The following PHACTR2 variants were observed in gnomAD, a reference collection of about 807,000 sequenced individuals.
PHACTR2 encodes the protein chromosome 6 open reading frame 56.
Under a neutral mutation model 76.0 loss-of-function variants are expected in PHACTR2, and 30 were observed. That is an observed-to-expected ratio of 0.39 (90% CI 0.30 to 0.54). PHACTR2 has a LOEUF of 0.54. Among genes scored for constraint, PHACTR2 ranks in the 20% least tolerant of loss-of-function variants. The pLI, the probability that PHACTR2 is intolerant of heterozygous loss-of-function variation, is 0.61. For missense variants in PHACTR2, 696 were observed against 781.1 expected (o/e 0.89, Z 1.30); for synonymous variants, 292 against 292.5 (o/e 1.00, Z 0.02).
chr6:143,736,202 T>C (rs1188433037), intron 2 of PHACTR2, among the ~76,000 whole-genome samples: 2 of 152,206 alleles, frequency 1.3e-5, no homozygotes, highest in Non-Finnish European at 1.5e-5. Flanking sequence ...TTGCTCAGCC[T>C]GTGATACTAT....
At chr6:143,634,814 A>G (rs991037889) in intron 1 of PHACTR2, among the ~76,000 whole-genome samples, 1 of 152,210 alleles carries the variant, frequency 6.6e-6, no homozygotes, top group African/African-American at 2.4e-5. Context: ...AACAAATACC[A>G]CAGCAAATAT....
At chr6:143,640,766 T>C (rs1179995366) in intron 1 of PHACTR2, among the ~76,000 whole-genome samples, 1 of 152,212 alleles carries the variant, frequency 6.6e-6, no homozygotes, top group Non-Finnish European at 1.5e-5. Context: ...TCAAAAGATA[T>C]GTCTATGTCC....
At chr6:143,601,535 G>T (rs1200372291) in intron 1 of PHACTR2, among the ~76,000 whole-genome samples, 2 of 152,144 alleles carry the variant, frequency 1.3e-5, no homozygotes, top group African/African-American at 2.4e-5. Flanking sequence ...AGCACTCTTG[G>T]GTTAACTGGT....
At chr6:143,640,057 A>G (rs1776537922) in intron 1 of PHACTR2, among the ~76,000 whole-genome samples, 1 of 152,204 alleles carries the variant, frequency 6.6e-6, no homozygotes, top group African/African-American at 2.4e-5. Context: ...CCTATAACCT[A>G]GTGATGTCAC....
In PHACTR2 at chr6:143,656,104, C is replaced by T. The variant is rs941405201; in HGVS notation, c.13+47782C>T. Among the ~76,000 whole-genome samples, 2 of 152,144 alleles carry T rather than the reference C, an allele frequency of 1.3e-5. No individual in the cohort carries two copies. Among genetic ancestry groups the T allele is most frequent in the Non-Finnish European group, 2.9e-5 (2 of 68,032 alleles). Reference sequence around the variant, plus strand: ...AGGGTAAATCGTGGGATAAAATACACTCATTGACTTTCTTCTCCAAGCCAA... The same window carrying T: ...AGGGTAAATCGTGGGATAAAATACATTCATTGACTTTCTTCTCCAAGCCAA... On this transcript the variant is annotated intron_variant, in intron 1 of 11. Transcript: ENST00000305766. The surrounding 1 kb of genome is among the most constrained non-coding windows in gnomAD (Gnocchi z 5.3).
intron 11 of PHACTR2, among the ~76,000 whole-genome samples, chr6:143,790,676 C>CTTT (rs758900964): frequency 2.9e-5 from 4 of 140,172 alleles, no homozygotes; most frequent in African/African-American, 5.3e-5. Context: ...TAACAAGATT[C>CTTT]TTTTTTTTTT....
rs1054804252 is a variant in PHACTR2, at chr6:143,757,375, T to C, written c.455-3026T>C. ...AGGGAGCTCACAGTGAGGGCCAACA[T>C]TGGTTCTCAGAGGAAGATATTTATG... On this transcript the variant is annotated intron_variant, in intron 4 of 12. Coordinates refer to ENST00000440869, the MANE Select transcript of PHACTR2 (RefSeq NM_001100164.2). This position sits in a 1 kb window ranked among gnomAD's most constrained non-coding sequence, Gnocchi z 4.2. 5.3e-5 allele frequency among the ~76,000 whole-genome samples: 8 copies of C among 152,166 alleles called. No individual in the cohort carries two copies. Among genetic ancestry groups the C allele is most frequent in the South Asian group, 2.1e-4 (1 of 4,830 alleles).
intron 1 of PHACTR2, among the ~76,000 whole-genome samples, chr6:143,640,561 C>T (rs971692807): frequency 2.3e-4 from 35 of 152,198 alleles, no homozygotes; most frequent in Admixed American, 2.2e-3. Flanking sequence ...TCAATGCCTA[C>T]AAAAGGTCAA....
Position 143,731,922 on chromosome 6 carries a change from C to T in PHACTR2, c.215-17063C>T, listed in dbSNP as rs1163176913. 6.6e-6 allele frequency among the ~76,000 whole-genome samples: 1 copy of T among 152,200 alleles called. No individual in the cohort carries two copies. On this transcript the variant is annotated intron_variant, in intron 2 of 12. Coordinates refer to ENST00000440869, the MANE Select transcript of PHACTR2 (RefSeq NM_001100164.2). This position sits in a 1 kb window ranked among gnomAD's most constrained non-coding sequence, Gnocchi z 4.9. ...AGTTATAGGACCATTCAGGTGATCT[C>T]TTTTAACTTGGGTAAGTTTAAGCAG... is the stretch of plus-strand genomic sequence containing the variant.
chr6:143,620,268 T>C (rs1020217361), intron 1 of PHACTR2, among the ~76,000 whole-genome samples: 6 of 152,196 alleles, frequency 3.9e-5, no homozygotes, highest in South Asian at 2.1e-4. Flanking sequence ...GTGTCTCTTA[T>C]ACTAACAGAT....
At chr6:143,674,759 C>T (rs1777212355), upstream of PHACTR2, among the ~76,000 whole-genome samples, 1 of 152,190 alleles carries the variant, frequency 6.6e-6, no homozygotes, top group South Asian at 2.1e-4. This position sits in a 1 kb window ranked among gnomAD's most constrained non-coding sequence, Gnocchi z 4.9. Flanking sequence ...GTTCCTTCTT[C>T]TTCCTGCTCC....
At position 143,783,537 on chromosome 6, in the gene PHACTR2, T is replaced by G. The variant is rs1232324519; in HGVS notation, c.1707+257T>G. 2.0e-5 allele frequency among the ~76,000 whole-genome samples: 3 copies of G among 152,172 alleles called. No homozygotes were observed. Among genetic ancestry groups the G allele is most frequent in the Non-Finnish European group, 4.4e-5 (3 of 68,044 alleles). ...AGGAGGCTGAGGTGGGAAGATTGCT[T>G]CAGCCTGGGAGGCAGAGGTTGCTGT... On this transcript the variant is annotated intron_variant, in intron 10 of 12. Coordinates refer to ENST00000440869, the MANE Select transcript of PHACTR2 (RefSeq NM_001100164.2). The surrounding 1 kb of genome is among the most constrained non-coding windows in gnomAD (Gnocchi z 5.2).
In PHACTR2 at chr6:143,648,880, CTATG is replaced by C. The variant is rs1776705430; in HGVS notation, c.13+40564_13+40567del. ...CATGTGTGTGTCTATGCATATGTGT[CTATG>C]TATGTTTGTGTGTGTGTGTGTGTCT... is the stretch of plus-strand genomic sequence containing the variant. On this transcript the variant is annotated intron_variant, in intron 1 of 11. Coordinates refer to the PHACTR2 transcript ENST00000305766. The surrounding 1 kb of genome is among the most constrained non-coding windows in gnomAD (Gnocchi z 6.7). Among the ~76,000 whole-genome samples the C allele has an allele frequency of 7.9e-6, 1 of 127,082 alleles. No individual in the cohort carries two copies. The highest frequency in any genetic ancestry group is 7.8e-5 in the Admixed American group (1 of 12,810). 83.4% of individuals were successfully genotyped at this position (127,082 alleles called of 152,430 possible). A position where few individuals can be genotyped will look rare whatever the true frequency, so the allele number is the denominator to read the frequency against.
rs1182584249 is a variant in PHACTR2 at position 143,821,147 on chromosome 6, G to A, written c.1923-2527G>A. On this transcript the variant is annotated intron_variant, in intron 12 of 12. Coordinates refer to ENST00000440869, the MANE Select transcript of PHACTR2 (RefSeq NM_001100164.2). This position sits in a 1 kb window ranked among gnomAD's most constrained non-coding sequence, Gnocchi z 5.2. ...GTGATGTTGCCTCTGTGTATCAAAT[G>A]CAGGCATGGCGGTCCTCACATCTGC... Among the ~76,000 whole-genome samples the A allele has an allele frequency of 1.3e-5, 2 of 152,240 alleles. No individual in the cohort carries two copies. Among genetic ancestry groups the A allele is most frequent in the Non-Finnish European group, 2.9e-5 (2 of 68,044 alleles).
chr6:143,720,535 A>C (rs1351095407), intron 2 of PHACTR2, among the ~76,000 whole-genome samples: 1 of 152,226 alleles, frequency 6.6e-6, no homozygotes, highest in Admixed American at 6.5e-5. Flanking sequence ...ACACATTGTG[A>C]TTCTAGGCCT....
At chr6:143,564,595 G>A (rs1775336042) in intron 1 of PHACTR2, among the ~76,000 whole-genome samples, 1 of 152,162 alleles carries the variant, frequency 6.6e-6, no homozygotes, top group African/African-American at 2.4e-5. Flanking sequence ...ATCAAGAGGT[G>A]AATCGTGTGG....
intron 1 of PHACTR2, among the ~76,000 whole-genome samples, chr6:143,707,660 T>C (rs1161327016): frequency 6.6e-6 from 1 of 152,256 alleles, no homozygotes; most frequent in Non-Finnish European, 1.5e-5. Flanking sequence ...TAAGAATCTC[T>C]ATAATTTATT....
At chr6:143,545,225 A>AT (rs1453120309) in intron 1 of PHACTR2, among the ~76,000 whole-genome samples, 1 of 152,184 alleles carries the variant, frequency 6.6e-6, no homozygotes, top group African/African-American at 2.4e-5. Flanking sequence ...GATTACAAGC[A>AT]TAAGCCACTG....
At chr6:143,808,138 T>G (rs1353639576) in intron 12 of PHACTR2, among the ~76,000 whole-genome samples, 1 of 151,482 alleles carries the variant, frequency 6.6e-6, no homozygotes, top group Non-Finnish European at 1.5e-5. Flanking sequence ...TTTTTTTTTT[T>G]TTTTTTTTTG....
Sources: allele counts gnomAD v4.1 joint callset (sites outside exome capture counted in the v4.1 genomes callset), GRCh38; gene constraint gnomAD v4.1.1; non-coding constraint Gnocchi (gnomAD v3.1); transcripts MANE v1.5; gene names NCBI Gene and HGNC (gene_info 2026-07-23, HGNC 2026-07-21).